Variants in MPRIP observed in about 807,000 individuals in gnomAD.
MPRIP encodes the protein myosin phosphatase Rho interacting protein, also known as myosin phosphatase Rho-interacting protein.
In MPRIP, 59 loss-of-function variants were observed where a neutral mutation model predicts 234.9. The observed-to-expected ratio is 0.25, with a 90% CI of 0.20 to 0.31. The LOEUF (loss-of-function observed/expected upper bound fraction) is 0.31. Ranked by LOEUF, MPRIP falls within the 10% of genes least tolerant of loss-of-function variation. The probability of loss-of-function intolerance (pLI) is 1.00; values close to 1 mark genes in which losing one functional copy is unlikely to be tolerated. For synonymous variants in MPRIP, 1,144 were observed against 1,263.9 expected, an observed-to-expected ratio of 0.91 and a Z score of 2.01; for missense variants, 2,436 against 3,071.0, an observed-to-expected ratio of 0.79 and a Z score of 4.89.
chr17:17,151,976 G>A (rs114391510), intron 12 of MPRIP, among the ~76,000 whole-genome samples: 134 of 152,350 alleles, frequency 8.8e-4, no homozygotes, highest in African/African-American at 3.1e-3. Flanking sequence ...TTATTGCTGT[G>A]TTGAGAGTTG....
rs1299272792 is a variant in MPRIP, at chr17:17,174,089, C to T, written c.6750+14C>T. ...GCCCACAACCAGGTGAGCCTGCAGC[C>T]AGGTGAGCCCAAGGTTAGTCAGGGG... On this transcript the variant is annotated intron_variant, in intron 19 of 23. Coordinates refer to ENST00000651222, the MANE Select transcript of MPRIP (RefSeq NM_001364716.4). 1.2e-6 allele frequency: 2 copies of T among 1,612,068 alleles called. No homozygotes were observed. The highest frequency in any genetic ancestry group is 1.3e-5 in the African/African-American group (1 of 75,042).
At chr17:17,183,510 C>A (rs926990160) in intron 23 of MPRIP, among the ~76,000 whole-genome samples, 1 of 152,270 alleles carries the variant, frequency 6.6e-6, no homozygotes, top group Non-Finnish European at 1.5e-5. Flanking sequence ...GCCACCGCGC[C>A]CGGCCTGGAC....
At chr17:17,174,463 T>C (rs1485047568) in intron 19 of MPRIP, among the ~76,000 whole-genome samples, 2 of 152,182 alleles carry the variant, frequency 1.3e-5, no homozygotes, top group Non-Finnish European at 2.9e-5. Flanking sequence ...CAGGATCCTG[T>C]CCCCCAGGGA....
intron 1 of MPRIP, among the ~76,000 whole-genome samples, chr17:17,073,029 A>G (rs1253545961): frequency 1.3e-5 from 2 of 152,134 alleles, no homozygotes; most frequent in Admixed American, 6.5e-5. Flanking sequence ...CCATCATCAC[A>G]GTCACTTTTA....
intron 16 of MPRIP, chr17:17,168,856 A>G (rs751747651): frequency 8.1e-5 from 37 of 456,788 alleles, no homozygotes; most frequent in Admixed American, 1.6e-4. Context: ...AGCCAGCACC[A>G]TTGTGCTGCA....
intron 15 of MPRIP, among the ~76,000 whole-genome samples, chr17:17,163,565 T>G (rs1474300557): frequency 1.3e-5 from 2 of 152,098 alleles, no homozygotes; most frequent in African/African-American, 2.4e-5. Context: ...CTGACTACAC[T>G]TTCCACAGGA....
At chr17:17,117,061 C>A (rs8066111) in intron 3 of MPRIP, among the ~76,000 whole-genome samples, 19,359 of 152,192 alleles carry the variant, frequency 0.13, 1,730 homozygotes, top group East Asian at 0.29. Flanking sequence ...ATGCCCAGAG[C>A]TCCTCAGTCC....
intron 3 of MPRIP, among the ~76,000 whole-genome samples, chr17:17,108,982 C>T (rs1187482512): frequency 1.3e-5 from 2 of 152,240 alleles, no homozygotes; most frequent in Non-Finnish European, 2.9e-5. Flanking sequence ...AGTGCAACTT[C>T]TCCCGCCGGC....
intron 9 of MPRIP, among the ~76,000 whole-genome samples, chr17:17,145,786 A>C (rs1173036221): frequency 2.6e-5 from 4 of 152,188 alleles, no homozygotes; most frequent in Non-Finnish European, 5.9e-5. Context: ...CTCACAGGGC[A>C]ATGAGACCAT....
chr17:17,142,865 T>A, intron 8 of MPRIP, 100 bp downstream of exon 8: 1 of 1,365,278 alleles, frequency 7.3e-7, no homozygotes, highest in Non-Finnish European at 1.0e-6. Flanking sequence ...TGGGATGTGC[T>A]CCTGCCAGGC....
chr17:17,121,320 A>C (rs77108829), intron 3 of MPRIP, among the ~76,000 whole-genome samples: 2,438 of 152,384 alleles, frequency 0.016, 40 homozygotes, highest in Middle Eastern at 0.037. Flanking sequence ...CAGTTATAAC[A>C]CAGTGGCAAG....
intron 12 of MPRIP, 102 bp downstream of exon 12, chr17:17,150,335 C>T: frequency 1.2e-6 from 1 of 817,162 alleles, no homozygotes; most frequent in Non-Finnish European, 2.1e-6. Context: ...AGGCCTGATG[C>T]AGCGTGTATG....
intron 21 of MPRIP, 76 bp downstream of exon 21, chr17:17,176,588 G>A (rs1014312084): frequency 8.6e-6 from 10 of 1,158,510 alleles, no homozygotes; most frequent in African/African-American, 1.5e-5. Context: ...ACTCAGGCTG[G>A]TGCTCAGCGC....
Position 17,138,861 on chromosome 17 carries a change from TGA to T in MPRIP, c.1250+436_1250+437del, listed in dbSNP as rs1264877490. Among the ~76,000 whole-genome samples, 11 of 152,116 alleles carry T rather than the reference TGA, an allele frequency of 7.2e-5. No individual in the cohort carries two copies. Among genetic ancestry groups the T allele is most frequent in the Non-Finnish European group, 1.2e-4 (8 of 68,002 alleles). On this transcript the variant is annotated intron_variant, in intron 7 of 23. Coordinates refer to ENST00000651222, the MANE Select transcript of MPRIP (RefSeq NM_001364716.4). The surrounding 1 kb of genome is among the most constrained non-coding windows in gnomAD (Gnocchi z 5.8). ...CAGTCCCAGGGTGGGCAAAGGGCAC[TGA>T]GAGGTTCAGAGGCAGACAGGCATGC...
At chr17:17,104,247 C>T (rs2090019394) in intron 3 of MPRIP, among the ~76,000 whole-genome samples, 1 of 152,196 alleles carries the variant, frequency 6.6e-6, no homozygotes, top group Non-Finnish European at 1.5e-5. Context: ...GTGCCTGCAC[C>T]ATCTAACATG....
At position 17,150,253 on chromosome 17, in the gene MPRIP, TG is replaced by T; in HGVS notation, c.1719+24del. 6.3e-7 allele frequency: 1 copy of T among 1,579,746 alleles called. No individual in the cohort carries two copies. The highest frequency in any genetic ancestry group is 8.7e-7 in the Non-Finnish European group (1 of 1,149,276). On this transcript the variant is annotated intron_variant, in intron 12 of 23. Coordinates refer to ENST00000651222, the MANE Select transcript of MPRIP (RefSeq NM_001364716.4). ...ATACATGTGAGTCCAGGGATGGAAG[TG>T]GGGCCACAGGCTTGACAGGCAGGGA...
chr17:17,178,918 CAAAAAA>C (rs1177356521), intron 22 of MPRIP, among the ~76,000 whole-genome samples: 3 of 137,808 alleles, frequency 2.2e-5, no homozygotes, highest in Non-Finnish European at 4.7e-5. Context: ...GACCCTGCCT[CAAAAAA>C]AAAAGAAAAA....
rs763436109 is a variant in MPRIP at position 17,165,558 on chromosome 17, C to T, written c.3967C>T (p.Arg1323Trp). ...GAPGVKRQRI[R>W]FSTIQCQRYI... ...ACCTGGTGTTAAAAGGCAAAGAATC[C>T]GGTTCTCCACAATCCAGTGCCAAAG... Residue 1323 changes from arginine (R) to tryptophan (W), a missense_variant, in exon 16 of 24, where the codon CGG becomes TGG. Coordinates refer to ENST00000651222, the MANE Select transcript of MPRIP (RefSeq NM_001364716.4). 16 of 1,304,478 alleles carry T rather than the reference C, an allele frequency of 1.2e-5. No individual in the cohort carries two copies. The highest frequency in any genetic ancestry group is 2.5e-5 in the South Asian group (2 of 81,040). The allele number at this position is 1,304,478 out of a possible 1,614,324, so 80.8% of individuals were successfully genotyped here. A position where few individuals can be genotyped will look rare whatever the true frequency, so the allele number is the denominator to read the frequency against.
Position 17,191,539 on chromosome 17 carries a change from T to C in MPRIP, c.*6645T>C, listed in dbSNP as rs1169674605. 2.0e-5 allele frequency: 3 copies of C among 152,234 alleles called. No individual in the cohort carries two copies. The highest frequency in any genetic ancestry group is 4.8e-5 in the African/African-American group (2 of 41,464). The allele number at this position is 152,234 out of a possible 1,614,324, so 9.4% of individuals were successfully genotyped here. ...ACTTAAGAATTGGAGACTCCAGTAA[T>C]GTAGGATGGCCTGAGAGGACGTCCA... On this transcript the variant is annotated 3_prime_UTR_variant, in exon 24 of 24. Coordinates refer to ENST00000651222, the MANE Select transcript of MPRIP (RefSeq NM_001364716.4).
Sources: allele counts gnomAD v4.1 joint callset (sites outside exome capture counted in the v4.1 genomes callset), GRCh38; gene constraint gnomAD v4.1.1; non-coding constraint Gnocchi (gnomAD v3.1); transcripts MANE v1.5; gene names NCBI Gene and HGNC (gene_info 2026-07-23, HGNC 2026-07-21).